RNF144A: variants seen among roughly 807,000 people sequenced by gnomAD.
RNF144A encodes E3 ubiquitin-protein ligase RNF144A.
Under a neutral mutation model 38.7 loss-of-function variants are expected in RNF144A, and 11 were observed. The observed-to-expected ratio is 0.28, with a 90% CI of 0.18 to 0.47. The LOEUF (loss-of-function observed/expected upper bound fraction) is 0.47. RNF144A is among the 20% of genes least tolerant of loss of function. The pLI, the probability that RNF144A is intolerant of heterozygous loss-of-function variation, is 0.99. For synonymous variants in RNF144A, 149 were observed against 143.9 expected (o/e 1.04, Z -0.25); for missense variants, 316 against 377.2 (o/e 0.84, Z 1.34).
At chr2:7,049,574 C>T (rs966686121) in intron 6 of RNF144A, among the ~76,000 whole-genome samples, 1 of 152,130 alleles carries the variant, frequency 6.6e-6, no homozygotes, top group South Asian at 2.1e-4. Flanking sequence ...TTCAACGACA[C>T]GAAAATGAGG....
intron 3 of RNF144A, among the ~76,000 whole-genome samples, chr2:7,007,280 T>A (rs1334552103): frequency 6.6e-6 from 1 of 152,244 alleles, no homozygotes; most frequent in Non-Finnish European, 1.5e-5. Context: ...TTTGGTTTCA[T>A]GATGGGATAG....
intron 8 of RNF144A, among the ~76,000 whole-genome samples, chr2:7,037,056 C>G (rs897384333): frequency 1.3e-5 from 2 of 152,210 alleles, no homozygotes; most frequent in Non-Finnish European, 2.9e-5. Flanking sequence ...TGTACAGATT[C>G]TCTCTGGAGC....
At chr2:6,930,561 ATCTG>A (rs753336551) in intron 1 of RNF144A, among the ~76,000 whole-genome samples, 134 of 152,020 alleles carry the variant, frequency 8.8e-4, no homozygotes, top group Non-Finnish European at 1.3e-3. Context: ...CACTTTATCT[ATCTG>A]TATATACATA....
chr2:6,918,016 G>T (rs1221117801), intron 1 of RNF144A, among the ~76,000 whole-genome samples: 1 of 151,840 alleles, frequency 6.6e-6, no homozygotes, highest in Non-Finnish European at 1.5e-5. Context: ...GGTCCCGCGG[G>T]CGAGCTGGCG....
chr2:7,055,462 C>T (rs1199498428), intron 6 of RNF144A, among the ~76,000 whole-genome samples: 2 of 152,220 alleles, frequency 1.3e-5, no homozygotes, highest in African/African-American at 4.8e-5. Context: ...GCCATCCTCT[C>T]CACTGTTCCT....
intron 1 of RNF144A, among the ~76,000 whole-genome samples, chr2:6,937,884 G>A (rs1665693954): frequency 1.3e-5 from 2 of 152,232 alleles, no homozygotes; most frequent in South Asian, 4.1e-4. Context: ...TGCTATTTTA[G>A]TAAAGGAGCA....
chr2:7,065,621 A>T (rs1295418403), intron 6 of RNF144A, among the ~76,000 whole-genome samples: 1 of 152,250 alleles, frequency 6.6e-6, no homozygotes, highest in Non-Finnish European at 1.5e-5. Flanking sequence ...ATGAAAATGC[A>T]TGTCACAGAA....
intron 2 of RNF144A, among the ~76,000 whole-genome samples, chr2:6,971,653 C>T (rs1572299914): frequency 6.6e-6 from 1 of 152,150 alleles, no homozygotes; most frequent in Non-Finnish European, 1.5e-5. Context: ...GGAGCGGCAG[C>T]ACTGCTTACC....
chr2:6,981,430 C>T (rs946891514), intron 2 of RNF144A, among the ~76,000 whole-genome samples: 2 of 152,070 alleles, frequency 1.3e-5, no homozygotes, highest in Non-Finnish European at 2.9e-5. Context: ...CATCTCGATG[C>T]TTTGCTGCTT....
At chr2:7,010,859 G>A (rs1208774188) in intron 3 of RNF144A, among the ~76,000 whole-genome samples, 1 of 152,098 alleles carries the variant, frequency 6.6e-6, no homozygotes, top group African/African-American at 2.4e-5. Context: ...CCCTTGAAGT[G>A]GCCCCATGAG....
At chr2:6,946,031 G>C (rs972922432) in intron 2 of RNF144A, among the ~76,000 whole-genome samples, 1 of 152,162 alleles carries the variant, frequency 6.6e-6, no homozygotes, top group Admixed American at 6.5e-5. Context: ...CAAAACAAAA[G>C]GGTTCTGGAT....
chr2:6,927,627 C>T (rs1306686308), intron 1 of RNF144A, among the ~76,000 whole-genome samples: 1 of 152,250 alleles, frequency 6.6e-6, no homozygotes, highest in Non-Finnish European at 1.5e-5. Flanking sequence ...GCTACTGGCC[C>T]TGCGGGGCCC....
chr2:7,030,255 G>C (rs202057826), intron 8 of RNF144A, 40 bp downstream of exon 8: 222 of 1,221,970 alleles, frequency 1.8e-4, no homozygotes, highest in Non-Finnish European at 2.4e-4. Context: ...CTCAGAGAGA[G>C]ACTGTGTGTG....
intron 2 of RNF144A, among the ~76,000 whole-genome samples, chr2:6,974,970 GAAGTT>G (rs1390955075): frequency 6.6e-6 from 1 of 152,226 alleles, no homozygotes; most frequent in Non-Finnish European, 1.5e-5. Flanking sequence ...AACCGGAAAA[GAAGTT>G]AAGAGACCAT....
intron 5 of RNF144A, among the ~76,000 whole-genome samples, chr2:7,017,664 G>T (rs1236735984): frequency 6.6e-6 from 1 of 152,216 alleles, no homozygotes. Flanking sequence ...GGAGAGAAGA[G>T]TTAACATTAG....
chr2:6,942,601 G>A (rs1163340096), intron 2 of RNF144A, among the ~76,000 whole-genome samples: 1 of 152,244 alleles, frequency 6.6e-6, no homozygotes, highest in Non-Finnish European at 1.5e-5. Context: ...AGTCTGTAAT[G>A]ACTCCAGGCA....
At chr2:6,924,377 A>G (rs1197517410) in intron 1 of RNF144A, among the ~76,000 whole-genome samples, 1 of 152,214 alleles carries the variant, frequency 6.6e-6, no homozygotes, top group East Asian at 1.9e-4. Flanking sequence ...GGAGATGCAT[A>G]ATGTGGAATG....
intron 2 of RNF144A, among the ~76,000 whole-genome samples, chr2:6,959,803 G>C (rs190635708): frequency 6.6e-6 from 1 of 152,134 alleles, no homozygotes; most frequent in African/African-American, 2.4e-5. Flanking sequence ...CCCCCATACT[G>C]TTTCATTGAG....
intron 1 of RNF144A, among the ~76,000 whole-genome samples, chr2:6,921,921 T>C (rs1210522647): frequency 6.6e-6 from 1 of 152,160 alleles, no homozygotes; most frequent in African/African-American, 2.4e-5. Context: ...AGGGCCGAGC[T>C]CCCCAGCTGC....
Sources: gnomAD v4.1 joint callset for allele counts (sites outside exome capture counted in the v4.1 genomes callset) on GRCh38, gnomAD v4.1.1 for gene constraint, MANE v1.5 for transcripts, NCBI Gene and HGNC (gene_info 2026-07-23, HGNC 2026-07-21) for gene names.